The following KDM4C variants were observed in gnomAD, a reference collection of about 807,000 sequenced individuals.
KDM4C encodes lysine demethylase 4C.
KDM4C carries 81 observed loss-of-function variants against 129.3 expected under a neutral mutation model. The observed-to-expected ratio is 0.63, with a 90% CI of 0.52 to 0.75. The LOEUF (loss-of-function observed/expected upper bound fraction) is 0.75. Ranked by LOEUF, KDM4C falls within the 30% of genes least tolerant of loss-of-function variation. The pLI, the probability that KDM4C is intolerant of heterozygous loss-of-function variation, is 0.00. For missense variants in KDM4C, 1,457 were observed against 1,304.0 expected, an observed-to-expected ratio of 1.12 and a Z score of -1.81; for synonymous variants, 573 against 456.1, an observed-to-expected ratio of 1.26 and a Z score of -3.26.
At chr9:7,024,821 T>C (rs1159660313) in intron 15 of KDM4C, among the ~76,000 whole-genome samples, 1 of 152,210 alleles carries the variant, frequency 6.6e-6, no homozygotes, top group Non-Finnish European at 1.5e-5. Flanking sequence ...TATAGCAGCA[T>C]GATTTATAAT....
chr9:6,963,483 T>C (rs1370157560), intron 8 of KDM4C, among the ~76,000 whole-genome samples: 1 of 152,162 alleles, frequency 6.6e-6, no homozygotes, highest in African/African-American at 2.4e-5. Flanking sequence ...ATTCATGGCA[T>C]TGAGTTGTTT....
chr9:6,820,471 G>C (rs568423229), intron 4 of KDM4C, among the ~76,000 whole-genome samples: 1 of 152,292 alleles, frequency 6.6e-6, no homozygotes, highest in South Asian at 2.1e-4. Context: ...TCGTGGATCT[G>C]ACCCATGGCC....
intron 11 of KDM4C, among the ~76,000 whole-genome samples, chr9:6,987,271 G>GC (rs1038591056): frequency 1.3e-5 from 2 of 152,054 alleles, no homozygotes; most frequent in African/African-American, 4.8e-5. Context: ...TTCTTGTCCT[G>GC]CCCCCTCCTC....
chr9:6,948,894 A>G (rs1419299981), intron 8 of KDM4C, among the ~76,000 whole-genome samples: 2 of 152,104 alleles, frequency 1.3e-5, no homozygotes, highest in Admixed American at 6.5e-5. Flanking sequence ...TTCTACACAG[A>G]TGCAGCAACA....
At chr9:6,788,950 A>G (rs115630679) in intron 1 of KDM4C, among the ~76,000 whole-genome samples, 1 of 152,200 alleles carries the variant, frequency 6.6e-6, no homozygotes, top group Non-Finnish European at 1.5e-5. Context: ...TTACAGAAGC[A>G]CAAGTCAGTG....
intron 5 of KDM4C, among the ~76,000 whole-genome samples, chr9:6,862,526 G>A (rs532731469): frequency 6.6e-6 from 1 of 152,232 alleles, no homozygotes; most frequent in Admixed American, 6.5e-5. Flanking sequence ...CTTCAGGCTG[G>A]GTGTGGTGGC....
intron 15 of KDM4C, among the ~76,000 whole-genome samples, chr9:7,029,374 A>G (rs1826353428): frequency 1.3e-5 from 2 of 149,838 alleles, no homozygotes; most frequent in Admixed American, 6.7e-5. Flanking sequence ...TACTTTAGGG[A>G]TATACTTTTA....
At chr9:6,930,388 C>T (rs1472029675) in intron 8 of KDM4C, among the ~76,000 whole-genome samples, 1 of 151,952 alleles carries the variant, frequency 6.6e-6, no homozygotes, top group Non-Finnish European at 1.5e-5. Context: ...GCACCTAATA[C>T]AGTGAATATG....
intron 4 of KDM4C, among the ~76,000 whole-genome samples, chr9:6,841,990 C>T (rs187246956): frequency 6.6e-6 from 1 of 152,138 alleles, no homozygotes; most frequent in African/African-American, 2.4e-5. Context: ...TTTTCTTTGG[C>T]CATTTGCATA....
chr9:6,733,946 T>G (rs1404447300), intron 1 of KDM4C, among the ~76,000 whole-genome samples: 1 of 152,126 alleles, frequency 6.6e-6, no homozygotes, highest in Non-Finnish European at 1.5e-5. Context: ...GCTCACATCT[T>G]GGTTTTGGTG....
intron 8 of KDM4C, among the ~76,000 whole-genome samples, chr9:6,959,330 G>C (rs962720102): frequency 6.6e-6 from 1 of 152,214 alleles, no homozygotes; most frequent in African/African-American, 2.4e-5. Flanking sequence ...TCTTGAAAGT[G>C]TTGGTCTGTT....
At chr9:6,739,900 T>C (rs1481407879) in intron 1 of KDM4C, among the ~76,000 whole-genome samples, 1 of 152,120 alleles carries the variant, frequency 6.6e-6, no homozygotes, top group Non-Finnish European at 1.5e-5. Context: ...TTTTTATTTA[T>C]TTATTTTTGA....
chr9:6,743,476 G>A (rs1361703109), intron 1 of KDM4C, among the ~76,000 whole-genome samples: 1 of 151,716 alleles, frequency 6.6e-6, no homozygotes, highest in Non-Finnish European at 1.5e-5. Flanking sequence ...GTAAGGAGAA[G>A]CTAGAACAAA....
chr9:7,077,226 C>G (rs1423687477), intron 17 of KDM4C: 2 of 985,030 alleles, frequency 2.0e-6, no homozygotes, highest in African/African-American at 3.5e-5. Flanking sequence ...AGATGCAACA[C>G]CTACAATATG....
At chr9:7,143,750 A>G (rs1309540955) in intron 19 of KDM4C, among the ~76,000 whole-genome samples, 1 of 152,216 alleles carries the variant, frequency 6.6e-6, no homozygotes, top group Non-Finnish European at 1.5e-5. Context: ...CTTTAAGCAT[A>G]ATAATGTTGA....
intron 8 of KDM4C, among the ~76,000 whole-genome samples, chr9:6,931,094 A>G (rs1048134314): frequency 4.6e-5 from 7 of 152,204 alleles, no homozygotes; most frequent in East Asian, 1.9e-4. Flanking sequence ...TGTTGCCTCC[A>G]TAGGCACTTG....
At position 6,833,062 on chromosome 9, in the gene KDM4C, T is replaced by A. The variant is rs1307430637; in HGVS notation, c.436-16445T>A. Among the ~76,000 whole-genome samples, 14 of 152,048 alleles carry A rather than the reference T, an allele frequency of 9.2e-5. 1 individual carries two copies. Among genetic ancestry groups the A allele is most frequent in the Admixed American group, 9.2e-4 (14 of 15,256 alleles). On this transcript the variant is annotated intron_variant, in intron 4 of 21. Transcript: ENST00000381309. ...TAAAGTAGTATAGATTATTGTGTTT[T>A]AAATTTTTCATATGTAAAGGTACCT...
chr9:6,903,929 A>G (rs1188782427), intron 8 of KDM4C, among the ~76,000 whole-genome samples: 1 of 152,196 alleles, frequency 6.6e-6, no homozygotes, highest in Non-Finnish European at 1.5e-5. Context: ...TGTCTTTAAT[A>G]TATCATTCTG....
intron 4 of KDM4C, among the ~76,000 whole-genome samples, chr9:6,840,225 A>C (rs1352256143): frequency 6.6e-6 from 1 of 151,426 alleles, no homozygotes; most frequent in Non-Finnish European, 1.5e-5. Flanking sequence ...GGCGGGTGCC[A>C]CCATGCCCAG....
Sources: gnomAD v4.1 joint callset for allele counts (sites outside exome capture counted in the v4.1 genomes callset) on GRCh38, gnomAD v4.1.1 for gene constraint, MANE v1.5 for transcripts, NCBI Gene and HGNC (gene_info 2026-07-23, HGNC 2026-07-21) for gene names.